PCDH15: variants seen among roughly 807,000 people sequenced by gnomAD.
The protein encoded by PCDH15 is protocadherin-15.
Under a neutral mutation model 178.5 loss-of-function variants are expected in PCDH15, and 129 were observed. That is an observed-to-expected ratio of 0.72 (90% CI 0.63 to 0.84). PCDH15 has a LOEUF of 0.84. Among genes scored for constraint, PCDH15 ranks in the 40% least tolerant of loss-of-function variants. The pLI, the probability that PCDH15 is intolerant of heterozygous loss-of-function variation, is 0.00. For synonymous variants in PCDH15, 800 were observed against 732.0 expected (o/e 1.09, Z -1.50); for missense variants, 2,230 against 2,099.9 (o/e 1.06, Z -1.21).
intron 13 of PCDH15, among the ~76,000 whole-genome samples, chr10:54,176,487 C>G (rs1436707966): frequency 6.6e-6 from 1 of 152,058 alleles, no homozygotes; most frequent in Non-Finnish European, 1.5e-5. Context: ...TCAATAGTTA[C>G]AGAATAAGAA....
chr10:54,423,851 A>G (rs1171749364), intron 3 of PCDH15, among the ~76,000 whole-genome samples: 1 of 151,942 alleles, frequency 6.6e-6, no homozygotes, highest in East Asian at 1.9e-4. Context: ...TACACCTTAT[A>G]CAAAAATTAA....
At chr10:54,644,554 A>G (rs905553795) in intron 2 of PCDH15, among the ~76,000 whole-genome samples, 2 of 152,018 alleles carry the variant, frequency 1.3e-5, no homozygotes, top group Non-Finnish European at 2.9e-5. Flanking sequence ...TCTGTTTTCA[A>G]AGTACTTTAT....
At chr10:54,988,608 C>T (rs890834588) in intron 2 of PCDH15, among the ~76,000 whole-genome samples, 1 of 152,116 alleles carries the variant, frequency 6.6e-6, no homozygotes, top group Non-Finnish European at 1.5e-5. Flanking sequence ...TGCCCCTGCC[C>T]TAGAGATTTG....
chr10:55,584,314 TA>T, intron 2 of PCDH15, among the ~76,000 whole-genome samples: 1 of 150,988 alleles, frequency 6.6e-6, no homozygotes, highest in South Asian at 2.1e-4. Flanking sequence ...ATAGTATATG[TA>T]AAAAAGTGTC....
At position 54,023,127 on chromosome 10, in the gene PCDH15, C is replaced by T. The variant is rs375282189; in HGVS notation, c.2291G>A (p.Arg764His). The T allele has an allele frequency of 8.1e-6, 13 of 1,613,604 alleles. No individual in the cohort carries two copies. Among genetic ancestry groups the T allele is most frequent in the East Asian group, 2.2e-5 (1 of 44,858 alleles). Residue 764 changes from arginine (R) to histidine (H), a missense_variant, in exon 19 of 38, where the codon CGT (arginine) becomes CAT (histidine). Transcript: ENST00000644397. ...GTAAATGCTCCCATTGGATGTGATA[C>T]GAAAAAGATTATTAAAGTTACCCAA... is the stretch of plus-strand genomic sequence containing the variant. ...YSLGNFNNLF[R>H]ITSNGSIYTA...
At chr10:55,405,787 T>C (rs762760842) in intron 2 of PCDH15, among the ~76,000 whole-genome samples, 2 of 151,870 alleles carry the variant, frequency 1.3e-5, no homozygotes, top group Non-Finnish European at 2.9e-5. Context: ...TCCATGCCAT[T>C]ATGGAGCTCC....
In PCDH15 at chr10:54,088,178, G is replaced by A. The variant is rs554321386; in HGVS notation, c.1997+1806C>T. Among the ~76,000 whole-genome samples the A allele has an allele frequency of 9.1e-4, 138 of 152,168 alleles. 1 individual carries two copies. The highest frequency in any genetic ancestry group is 3.0e-3 in the African/African-American group (124 of 41,528). On this transcript the variant is annotated intron_variant, in intron 16 of 37. Coordinates refer to ENST00000644397, the MANE Select transcript of PCDH15 (RefSeq NM_001384140.1). ...ATTTTACATGGCCACATAAATTTAC[G>A]CAGATTTCAGTATCTCCACATTCTT...
chr10:54,285,035 A>C (rs1411311785), intron 8 of PCDH15, among the ~76,000 whole-genome samples: 1 of 152,188 alleles, frequency 6.6e-6, no homozygotes, highest in Non-Finnish European at 1.5e-5. Flanking sequence ...TGTTTCCAAG[A>C]AACTTAACTC....
intron 2 of PCDH15, among the ~76,000 whole-genome samples, chr10:54,928,091 A>C (rs1050645848): frequency 1.1e-4 from 16 of 152,074 alleles, no homozygotes; most frequent in African/African-American, 3.9e-4. Flanking sequence ...TTCTTTCCAT[A>C]TATAATGCTT....
chr10:54,757,931 G>A (rs993755719), intron 1 of PCDH15, among the ~76,000 whole-genome samples: 6 of 152,100 alleles, frequency 3.9e-5, no homozygotes, highest in Non-Finnish European at 7.4e-5. Flanking sequence ...TCTGAATACA[G>A]CCATGCCTGA....
At chr10:55,548,103 T>A (rs1238260941) in intron 2 of PCDH15, among the ~76,000 whole-genome samples, 4 of 151,516 alleles carry the variant, frequency 2.6e-5, no homozygotes, top group Admixed American at 2.6e-4. Flanking sequence ...CTGGGAGATA[T>A]GAATTATTTC....
intron 1 of PCDH15, among the ~76,000 whole-genome samples, chr10:54,708,690 T>C (rs1466216330): frequency 6.6e-6 from 1 of 152,082 alleles, no homozygotes; most frequent in East Asian, 1.9e-4. Flanking sequence ...TGGCCTCCTC[T>C]TAGGCCTAAA....
At chr10:55,273,212 A>G (rs1842493201) in intron 1 of PCDH15, among the ~76,000 whole-genome samples, 1 of 152,164 alleles carries the variant, frequency 6.6e-6, no homozygotes, top group Admixed American at 6.5e-5. Flanking sequence ...TAATACTAAA[A>G]TAAATCAATG....
intron 3 of PCDH15, among the ~76,000 whole-genome samples, chr10:54,866,038 T>C (rs752633371): frequency 6.6e-6 from 1 of 152,170 alleles, no homozygotes; most frequent in Non-Finnish European, 1.5e-5. Flanking sequence ...AGGACTTTGA[T>C]AGATGAGAAA....
intron 2 of PCDH15, among the ~76,000 whole-genome samples, chr10:54,640,636 A>T (rs1198618462): frequency 6.6e-6 from 1 of 152,114 alleles, no homozygotes; most frequent in African/African-American, 2.4e-5. Context: ...TTTTCCCTCC[A>T]GATGTTTCCT....
At chr10:55,386,685 T>A (rs1460581596) in intron 2 of PCDH15, among the ~76,000 whole-genome samples, 1 of 152,054 alleles carries the variant, frequency 6.6e-6, no homozygotes, top group East Asian at 1.9e-4. Context: ...AATACTTGCA[T>A]ACATTTGCAA....
At chr10:53,978,465 A>AG (rs1004373539) in intron 21 of PCDH15, among the ~76,000 whole-genome samples, 15 of 152,144 alleles carry the variant, frequency 9.9e-5, no homozygotes, top group Non-Finnish European at 1.6e-4. Flanking sequence ...TATACACAGC[A>AG]GGGGGGTCCC....
chr10:55,117,903 T>C (rs150480058), intron 2 of PCDH15, among the ~76,000 whole-genome samples: 430 of 152,206 alleles, frequency 2.8e-3, no homozygotes, highest in Non-Finnish European at 4.7e-3. Context: ...AAAATCACCA[T>C]GGAATATATC....
chr10:54,333,099 C>T (rs1940202713), intron 6 of PCDH15, among the ~76,000 whole-genome samples: 1 of 152,016 alleles, frequency 6.6e-6, no homozygotes, highest in Non-Finnish European at 1.5e-5. Context: ...TGTGCCACCA[C>T]ATCTGGCTAA....
Sources: allele counts gnomAD v4.1 joint callset (sites outside exome capture counted in the v4.1 genomes callset), GRCh38; gene constraint gnomAD v4.1.1; transcripts MANE v1.5; gene names NCBI Gene and HGNC (gene_info 2026-07-23, HGNC 2026-07-21).